Variants in LSAMP observed in about 807,000 individuals in gnomAD.
LSAMP encodes the protein limbic system associated membrane protein.
LSAMP carries 7 observed loss-of-function variants against 38.6 expected under a neutral mutation model. That is an observed-to-expected ratio of 0.18 (90% CI 0.10 to 0.34). The LOEUF (loss-of-function observed/expected upper bound fraction) is 0.34, where lower values mean the gene tolerates loss of function less well. Ranked by LOEUF, LSAMP falls within the 10% of genes least tolerant of loss-of-function variation. The probability of loss-of-function intolerance (pLI) is 1.00; values close to 1 mark genes in which losing one functional copy is unlikely to be tolerated. For missense variants in LSAMP, 313 were observed against 420.0 expected, an observed-to-expected ratio of 0.75 and a Z score of 2.23; for synonymous variants, 154 against 166.8, an observed-to-expected ratio of 0.92 and a Z score of 0.59.
intron 3 of LSAMP, among the ~76,000 whole-genome samples, chr3:116,003,649 C>G (rs1044572186): frequency 2.6e-5 from 4 of 152,024 alleles, no homozygotes; most frequent in African/African-American, 9.7e-5. Context: ...CCTGGATTAA[C>G]GCTGAATCCT....
At chr3:116,164,720 TATA>T (rs1218492785) in intron 1 of LSAMP, among the ~76,000 whole-genome samples, 7 of 135,248 alleles carry the variant, frequency 5.2e-5, no homozygotes, top group Admixed American at 8.0e-5. Flanking sequence ...AATATATATA[TATA>T]ATCCAAATAT....
At chr3:115,962,837 G>A (rs941630146) in intron 3 of LSAMP, among the ~76,000 whole-genome samples, 27 of 152,278 alleles carry the variant, frequency 1.8e-4, no homozygotes, top group African/African-American at 6.5e-4. Flanking sequence ...ATATGCAAAT[G>A]ATAGGCCTCA....
At chr3:116,398,027 T>C (rs1195490092) in intron 1 of LSAMP, among the ~76,000 whole-genome samples, 4 of 152,074 alleles carry the variant, frequency 2.6e-5, no homozygotes, top group African/African-American at 9.7e-5. Context: ...TGAATATACT[T>C]TTACATAGCA....
At chr3:116,284,480 G>T (rs143882588) in intron 1 of LSAMP, among the ~76,000 whole-genome samples, 2,678 of 152,194 alleles carry the variant, frequency 0.018, 60 homozygotes, top group African/African-American at 0.057. Flanking sequence ...CATGATTCTG[G>T]TTTAACAATT....
At chr3:116,433,878 C>A (rs1438043180) in intron 1 of LSAMP, among the ~76,000 whole-genome samples, 1 of 152,102 alleles carries the variant, frequency 6.6e-6, no homozygotes, top group African/African-American at 2.4e-5. Context: ...ATTCCTTGTT[C>A]TGTCAGAAAC....
intron 1 of LSAMP, among the ~76,000 whole-genome samples, chr3:116,288,750 A>C (rs2047224129): frequency 6.6e-6 from 1 of 152,136 alleles, no homozygotes; most frequent in South Asian, 2.1e-4. Context: ...AGACAGTGAG[A>C]ATTTCTTTTG....
At chr3:116,303,687 G>C (rs1279255495) in intron 1 of LSAMP, among the ~76,000 whole-genome samples, 1 of 152,174 alleles carries the variant, frequency 6.6e-6, no homozygotes, top group African/African-American at 2.4e-5. Context: ...GAAGTGTACA[G>C]AGAGGTTAAT....
chr3:116,344,129 A>G (rs1217359198), intron 1 of LSAMP, among the ~76,000 whole-genome samples: 1 of 152,132 alleles, frequency 6.6e-6, no homozygotes, highest in Admixed American at 6.6e-5. Context: ...CACGTGAATA[A>G]TGGCACCACC....
At chr3:115,861,199 TTCC>T (rs1935689429) in intron 3 of LSAMP, among the ~76,000 whole-genome samples, 1 of 110,688 alleles carries the variant, frequency 9.0e-6, no homozygotes, top group East Asian at 3.0e-4. Context: ...CCTTCCTTCC[TTCC>T]TTCCTTTCCT....
rs67711628 is a variant in LSAMP, at chr3:115,928,973, G to GTTTTT, written c.515-76361_515-76357dup. On this transcript the variant is annotated intron_variant, in intron 3 of 6. Coordinates refer to ENST00000490035, the MANE Select transcript of LSAMP (RefSeq NM_002338.5). ...GGCTTATCATGCAGGTTTTTTGTTT[G>GTTTTT]TTTTTTTTTTTTTTTTTGCTTGTTT... Among the ~76,000 whole-genome samples, 730 of 109,784 alleles carry GTTTTT rather than the reference G, an allele frequency of 6.6e-3. 17 individuals carry two copies. Among genetic ancestry groups the GTTTTT allele is most frequent in the African/African-American group, 0.013 (365 of 28,010 alleles). 72.0% of individuals were successfully genotyped at this position (109,784 alleles called of 152,430 possible).
chr3:116,179,825 A>G (rs986163688), intron 1 of LSAMP, among the ~76,000 whole-genome samples: 4 of 152,198 alleles, frequency 2.6e-5, no homozygotes, highest in African/African-American at 4.8e-5. Context: ...ATCAGTGAGT[A>G]TGTTAACAGT....
At chr3:116,398,415 C>G (rs1184406687) in intron 1 of LSAMP, among the ~76,000 whole-genome samples, 1 of 152,182 alleles carries the variant, frequency 6.6e-6, no homozygotes, top group Non-Finnish European at 1.5e-5. Context: ...AGGAGAGTAT[C>G]TGGCTCCGTA....
At chr3:116,078,167 T>C (rs943922012) in intron 2 of LSAMP, among the ~76,000 whole-genome samples, 1 of 152,170 alleles carries the variant, frequency 6.6e-6, no homozygotes, top group Non-Finnish European at 1.5e-5. Context: ...TCCATTGATA[T>C]TTCTTGCTGG....
At chr3:115,983,328 C>A (rs1939417839) in intron 3 of LSAMP, among the ~76,000 whole-genome samples, 1 of 152,016 alleles carries the variant, frequency 6.6e-6, no homozygotes, top group East Asian at 1.9e-4. Context: ...CTAGCCTAAG[C>A]ACTATAGACT....
At chr3:115,839,870 A>C (rs1434237259) in intron 6 of LSAMP, among the ~76,000 whole-genome samples, 1 of 152,242 alleles carries the variant, frequency 6.6e-6, no homozygotes, top group Non-Finnish European at 1.5e-5. Context: ...CCTGATTCTC[A>C]GTATACAAAC....
At chr3:116,390,739 CAA>C (rs60344430) in intron 1 of LSAMP, among the ~76,000 whole-genome samples, 4,616 of 55,640 alleles carry the variant, frequency 0.083, 42 homozygotes, top group African/African-American at 0.1. Context: ...GACTCCGCCT[CAA>C]AAAAAAAAAA....
rs1274181369 is a variant in LSAMP, at chr3:115,847,490, T to C, written c.650-4912A>G. Among the ~76,000 whole-genome samples, 6 of 151,954 alleles carry C rather than the reference T, an allele frequency of 3.9e-5. No homozygotes were observed. In the East Asian group the frequency reaches 1.2e-3, roughly 29 times the overall value. The stretch of plus-strand genomic sequence containing the variant: ...GGCCCAATACACCTTCCAATTTGGT[T>C]GGTGATATGGTTTGGCTGTGTTCCC... On this transcript the variant is annotated intron_variant, in intron 4 of 6. Transcript: ENST00000490035.
chr3:116,107,592 A>G (rs1362208570), intron 1 of LSAMP, among the ~76,000 whole-genome samples: 2 of 152,140 alleles, frequency 1.3e-5, no homozygotes, highest in African/African-American at 2.4e-5. Context: ...CAGGGCGAGC[A>G]TGTGTGTTTT....
chr3:116,321,449 C>T (rs758713459), intron 1 of LSAMP, among the ~76,000 whole-genome samples: 3 of 152,126 alleles, frequency 2.0e-5, no homozygotes, highest in South Asian at 2.1e-4. Flanking sequence ...GGATATTCAC[C>T]TCTGCTTAGT....
Sources: allele counts gnomAD v4.1 joint callset (sites outside exome capture counted in the v4.1 genomes callset), GRCh38; gene constraint gnomAD v4.1.1; transcripts MANE v1.5; gene names NCBI Gene and HGNC (gene_info 2026-07-23, HGNC 2026-07-21).